Variants in CMTM8 observed in about 807,000 individuals in gnomAD.
CMTM8 encodes the protein CKLF like MARVEL transmembrane domain containing 8.
A neutral mutation model predicts 18.6 loss-of-function variants in CMTM8; 12 were observed. The observed-to-expected ratio is 0.65, with a 90% CI of 0.41 to 1.05. CMTM8 has a LOEUF of 1.05. Among genes scored for constraint, CMTM8 ranks in the 50% least tolerant of loss-of-function variants. CMTM8 has a pLI of 0.00. For synonymous variants in CMTM8, 87 were observed against 90.6 expected, an observed-to-expected ratio of 0.96 and a Z score of 0.23; for missense variants, 217 against 227.2, an observed-to-expected ratio of 0.95 and a Z score of 0.29.
chr3:32,307,926 T>C (rs1695748799), intron 1 of CMTM8, among the ~76,000 whole-genome samples: 1 of 151,772 alleles, frequency 6.6e-6, no homozygotes. Flanking sequence ...GTTCAAGGAG[T>C]GGGCAAAGGG....
chr3:32,270,458 T>C (rs1702420536), intron 1 of CMTM8, among the ~76,000 whole-genome samples: 2 of 152,246 alleles, frequency 1.3e-5, no homozygotes, highest in Admixed American at 1.3e-4. Flanking sequence ...TAGCAAAGAC[T>C]TGGAACCAAC....
At chr3:32,337,162 C>G (rs975915257) in intron 1 of CMTM8, among the ~76,000 whole-genome samples, 4 of 152,124 alleles carry the variant, frequency 2.6e-5, no homozygotes, top group African/African-American at 9.7e-5. Context: ...CCAATCACCT[C>G]CCAAAGATCC....
At chr3:32,367,721 GCT>G (rs1272387451) in intron 2 of CMTM8, 149 bp from the exon 3 acceptor site, 2 of 583,170 alleles carry the variant, frequency 3.4e-6, no homozygotes, top group Non-Finnish European at 3.1e-6. Context: ...CGCACTTAGA[GCT>G]GCCTTCCCAC....
chr3:32,365,316 AG>A (rs1288662108), intron 2 of CMTM8, among the ~76,000 whole-genome samples: 2 of 150,978 alleles, frequency 1.3e-5, no homozygotes, highest in Non-Finnish European at 2.9e-5. Context: ...AAAAAAAAAG[AG>A]AGAAAGAGAA....
chr3:32,281,510 T>C (rs1204904457), intron 1 of CMTM8, among the ~76,000 whole-genome samples: 1 of 152,230 alleles, frequency 6.6e-6, no homozygotes, highest in African/African-American at 2.4e-5. Flanking sequence ...GGAGATAATA[T>C]GCTGTGATGA....
intron 1 of CMTM8, among the ~76,000 whole-genome samples, chr3:32,296,850 A>G (rs758012689): frequency 3.3e-5 from 5 of 152,318 alleles, no homozygotes; most frequent in South Asian, 2.1e-4. Context: ...CCAGGGCGGC[A>G]GACTGTGTGT....
At chr3:32,250,912 C>G (rs1172886290) in intron 1 of CMTM8, among the ~76,000 whole-genome samples, 1 of 152,026 alleles carries the variant, frequency 6.6e-6, no homozygotes, top group Non-Finnish European at 1.5e-5. Context: ...GTTCTATATC[C>G]TTTCTGTGGT....
chr3:32,325,246 G>A (rs2125580109), intron 1 of CMTM8, among the ~76,000 whole-genome samples: 1 of 152,300 alleles, frequency 6.6e-6, no homozygotes, highest in Admixed American at 6.5e-5. Flanking sequence ...CATCCCCGGT[G>A]GGTCATTACA....
intron 1 of CMTM8, among the ~76,000 whole-genome samples, chr3:32,295,212 T>C (rs926694420): frequency 6.6e-6 from 1 of 151,858 alleles, no homozygotes; most frequent in Non-Finnish European, 1.5e-5. Context: ...TCCCAGCCCT[T>C]TGGGAGGCCA....
intron 1 of CMTM8, among the ~76,000 whole-genome samples, chr3:32,356,833 A>G (rs1394516165): frequency 6.6e-6 from 1 of 152,164 alleles, no homozygotes; most frequent in Non-Finnish European, 1.5e-5. Flanking sequence ...GATTAGTACT[A>G]ATATTTAAAA....
intron 1 of CMTM8, among the ~76,000 whole-genome samples, chr3:32,349,113 C>T (rs539917531): frequency 6.6e-6 from 1 of 152,166 alleles, no homozygotes; most frequent in Admixed American, 6.5e-5. Flanking sequence ...TTCAAAGTTA[C>T]TTTCTTCCAG....
Position 32,274,754 on chromosome 3 carries a change from T to A in CMTM8, c.147+35635T>A, listed in dbSNP as rs574481572. On this transcript the variant is annotated intron_variant, in intron 1 of 3. Transcript: ENST00000307526. Reference sequence around the variant, plus strand: ...TCACATATTACATATAGTCATCATGTCTTCTTTAGTGTCCTTTAGTCTAGA... The same window carrying A: ...TCACATATTACATATAGTCATCATGACTTCTTTAGTGTCCTTTAGTCTAGA... Among the ~76,000 whole-genome samples, 63 of 152,362 alleles carry A rather than the reference T, an allele frequency of 4.1e-4. 1 individual carries two copies. The highest frequency in any genetic ancestry group is 1.5e-3 in the African/African-American group (63 of 41,586).
chr3:32,313,353 G>A (rs1332360026), intron 1 of CMTM8, among the ~76,000 whole-genome samples: 2 of 152,140 alleles, frequency 1.3e-5, no homozygotes, highest in African/African-American at 4.8e-5. Context: ...CTAGCATTTC[G>A]TATTCCTGTG....
chr3:32,263,013 G>A lies in CMTM8; in HGVS notation c.147+23894G>A, dbSNP rs934253670. Among the ~76,000 whole-genome samples, 6 of 152,188 alleles carry A rather than the reference G, an allele frequency of 3.9e-5. No individual in the cohort carries two copies. The East Asian group carries it at 5.8e-4, about 15-fold the overall frequency. ...AGAGCAGGGCAGTTCCAAAATAGCC[G>A]AATAGGAACAGCTCCAATCTACAGC... On this transcript the variant is annotated intron_variant, in intron 1 of 3. Coordinates refer to ENST00000307526, the MANE Select transcript of CMTM8 (RefSeq NM_178868.5).
chr3:32,301,905 G>C (rs73069413), intron 1 of CMTM8, among the ~76,000 whole-genome samples: 4,240 of 152,126 alleles, frequency 0.028, 94 homozygotes, highest in South Asian at 0.1. Flanking sequence ...TATGTCAAAT[G>C]AAAAGCTTGA....
chr3:32,367,536 G>A (rs1207781077), intron 2 of CMTM8, among the ~76,000 whole-genome samples: 1 of 152,210 alleles, frequency 6.6e-6, no homozygotes, highest in Admixed American at 6.5e-5. Flanking sequence ...CACCGAGTGG[G>A]CGCCACTGCT....
intron 2 of CMTM8, among the ~76,000 whole-genome samples, chr3:32,363,335 A>G (rs1696971501): frequency 6.6e-6 from 1 of 152,214 alleles, no homozygotes; most frequent in South Asian, 2.1e-4. Flanking sequence ...CTGCCATCAC[A>G]TCTAGATTCC....
intron 1 of CMTM8, among the ~76,000 whole-genome samples, chr3:32,277,807 T>C (rs747316734): frequency 6.6e-5 from 10 of 152,104 alleles, no homozygotes; most frequent in East Asian, 3.8e-4. Flanking sequence ...TCTTGGAAAA[T>C]TGGACAAATG....
intron 1 of CMTM8, among the ~76,000 whole-genome samples, chr3:32,336,606 A>G (rs1696391654): frequency 1.3e-5 from 2 of 152,232 alleles, no homozygotes; most frequent in Non-Finnish European, 2.9e-5. Context: ...GTGATGTCCT[A>G]TACAAATACT....
Sources: gnomAD v4.1 joint callset for allele counts (sites outside exome capture counted in the v4.1 genomes callset) on GRCh38, gnomAD v4.1.1 for gene constraint, MANE v1.5 for transcripts, NCBI Gene and HGNC (gene_info 2026-07-23, HGNC 2026-07-21) for gene names.